Variants in DLG2 observed in about 807,000 individuals in gnomAD.
The protein encoded by DLG2 is disks large homolog 2.
Under a neutral mutation model 132.5 loss-of-function variants are expected in DLG2, and 45 were observed. The observed-to-expected ratio is 0.34, with a 90% CI of 0.27 to 0.44. The LOEUF is 0.44. Ranked by LOEUF, DLG2 falls within the 20% of genes least tolerant of loss-of-function variation. The pLI is 1.00. For synonymous variants in DLG2, 424 were observed against 419.6 expected, an observed-to-expected ratio of 1.01 and a Z score of -0.13; for missense variants, 1,045 against 1,196.9, an observed-to-expected ratio of 0.87 and a Z score of 1.87.
chr11:84,540,183 T>A (rs1356594872), intron 6 of DLG2, among the ~76,000 whole-genome samples: 1 of 151,852 alleles, frequency 6.6e-6, no homozygotes, highest in Non-Finnish European at 1.5e-5. Flanking sequence ...AAGCCAAAAT[T>A]GACAAATGGG....
intron 6 of DLG2, among the ~76,000 whole-genome samples, chr11:84,811,496 C>CT (rs1000878758): frequency 2.0e-5 from 3 of 151,908 alleles, no homozygotes; most frequent in Non-Finnish European, 2.9e-5. Context: ...GTCAGTCTTA[C>CT]TTTTTTTTGT....
intron 15 of DLG2, among the ~76,000 whole-genome samples, chr11:83,881,830 A>T (rs1403209302): frequency 6.6e-6 from 1 of 152,248 alleles, no homozygotes; most frequent in African/African-American, 2.4e-5. Flanking sequence ...TTATAATTAC[A>T]TAATTAAATG....
intron 6 of DLG2, among the ~76,000 whole-genome samples, chr11:84,989,801 C>T (rs1195598126): frequency 2.0e-5 from 3 of 152,076 alleles, no homozygotes; most frequent in African/African-American, 7.2e-5. Context: ...AGAATGGAAA[C>T]CCCTTATAGA....
intron 6 of DLG2, among the ~76,000 whole-genome samples, chr11:84,608,564 G>A (rs1179019545): frequency 6.6e-6 from 1 of 152,090 alleles, no homozygotes; most frequent in East Asian, 1.9e-4. Flanking sequence ...GCTAAATTTG[G>A]AAAGTTGGCA....
At chr11:84,092,941 C>G (rs1283612261) in intron 10 of DLG2, among the ~76,000 whole-genome samples, 1 of 150,486 alleles carries the variant, frequency 6.6e-6, no homozygotes, top group Non-Finnish European at 1.5e-5. Context: ...GAGGCTGAGG[C>G]AGAAGAATCG....
At position 85,578,111 on chromosome 11, in the gene DLG2, G is replaced by A. The variant is rs146074405; in HGVS notation, c.40+20546C>T. Among the ~76,000 whole-genome samples the A allele has an allele frequency of 8.8e-3, 1,332 of 152,112 alleles. 26 individuals carry two copies. Among genetic ancestry groups the A allele is most frequent in the African/African-American group, 0.03 (1,228 of 41,470 alleles). On this transcript the variant is annotated intron_variant, in intron 3 of 27. Coordinates refer to ENST00000376104, the MANE Select transcript of DLG2 (RefSeq NM_001142699.3). ...ACACACCTACCACAATCTGATCTTC[G>A]ACAAACCTGACAAAAACAAGCAATG... is the stretch of plus-strand genomic sequence containing the variant.
At chr11:84,678,643 A>G (rs2099721006) in intron 6 of DLG2, among the ~76,000 whole-genome samples, 1 of 152,126 alleles carries the variant, frequency 6.6e-6, no homozygotes, top group Non-Finnish European at 1.5e-5. Flanking sequence ...CATAATGATC[A>G]CTGAAAAGTT....
At chr11:83,975,077 A>G (rs1323049482) in intron 12 of DLG2, among the ~76,000 whole-genome samples, 2 of 152,102 alleles carry the variant, frequency 1.3e-5, no homozygotes, top group Non-Finnish European at 2.9e-5. Context: ...TGCAGAGAAG[A>G]CAATCAAATT....
intron 7 of DLG2, among the ~76,000 whole-genome samples, chr11:84,475,216 T>A (rs2154491736): frequency 6.6e-6 from 1 of 152,244 alleles, no homozygotes; most frequent in South Asian, 2.1e-4. Context: ...TCCAAAACCA[T>A]GTTGTAGCAG....
intron 9 of DLG2, among the ~76,000 whole-genome samples, chr11:84,159,827 C>T (rs1416564859): frequency 6.6e-6 from 1 of 152,066 alleles, no homozygotes; most frequent in South Asian, 2.1e-4. Context: ...GTGGTAAGAT[C>T]TGACTGATTT....
intron 11 of DLG2, among the ~76,000 whole-genome samples, chr11:84,039,795 ACTG>A (rs2096005986): frequency 8.2e-6 from 1 of 121,938 alleles, no homozygotes; most frequent in Non-Finnish European, 1.9e-5. Context: ...GAATCGCCAC[ACTG>A]ACTTCCACAG....
intron 6 of DLG2, chr11:84,800,425 T>A (rs2075222922): frequency 6.6e-6 from 1 of 152,212 alleles, no homozygotes; most frequent in Admixed American, 6.5e-5. Context: ...GGAAATTGCA[T>A]GGTATAATTA....
intron 8 of DLG2, among the ~76,000 whole-genome samples, chr11:84,217,563 T>A (rs1043354091): frequency 5.3e-5 from 8 of 152,050 alleles, no homozygotes; most frequent in African/African-American, 1.7e-4. Context: ...ATCATGAAAA[T>A]GGACTAATAC....
chr11:84,059,271 A>G, intron 11 of DLG2, 44 bp downstream of exon 11: 1 of 1,590,654 alleles, frequency 6.3e-7, no homozygotes, highest in East Asian at 2.3e-5. Flanking sequence ...CTTCAGTCAG[A>G]TGGTTTGTCA....
chr11:83,584,866 A>C (rs1205534214), intron 19 of DLG2, among the ~76,000 whole-genome samples: 2 of 152,224 alleles, frequency 1.3e-5, no homozygotes, highest in African/African-American at 4.8e-5. Context: ...TTACTCAGTC[A>C]ACTGTAGGTG....
intron 6 of DLG2, among the ~76,000 whole-genome samples, chr11:84,779,194 G>GCACGCA (rs2071247635): frequency 6.7e-6 from 1 of 148,912 alleles, no homozygotes; most frequent in African/African-American, 2.5e-5. Flanking sequence ...ATATATGTGC[G>GCACGCA]CACACACACA....
At chr11:83,951,935 C>A (rs1190996981) in intron 14 of DLG2, among the ~76,000 whole-genome samples, 1 of 152,024 alleles carries the variant, frequency 6.6e-6, no homozygotes. Context: ...GAAGGTAAAA[C>A]CCACAGAATT....
intron 6 of DLG2, among the ~76,000 whole-genome samples, chr11:84,953,186 T>C (rs1388161361): frequency 6.6e-6 from 1 of 152,172 alleles, no homozygotes; most frequent in Non-Finnish European, 1.5e-5. Flanking sequence ...TTTTCTGAGG[T>C]GGAATTGGGG....
intron 21 of DLG2, among the ~76,000 whole-genome samples, chr11:83,496,373 C>T (rs916481132): frequency 6.6e-6 from 1 of 151,940 alleles, no homozygotes; most frequent in Non-Finnish European, 1.5e-5. Context: ...GGAAATGCAA[C>T]ATGATACAGT....
Sources: allele counts gnomAD v4.1 joint callset (sites outside exome capture counted in the v4.1 genomes callset), GRCh38; gene constraint gnomAD v4.1.1; transcripts MANE v1.5; gene names NCBI Gene and HGNC (gene_info 2026-07-23, HGNC 2026-07-21).